BRCA2: variants seen among roughly 807,000 people sequenced by gnomAD.
BRCA2 encodes BRCA2 DNA repair associated.
A neutral mutation model predicts 276.7 loss-of-function variants in BRCA2; 203 were observed. The observed-to-expected ratio is 0.73, with a 90% confidence interval of 0.65 to 0.82. BRCA2 has a LOEUF of 0.82. BRCA2 is among the 40% of genes least tolerant of loss of function. The pLI, the probability that BRCA2 is intolerant of heterozygous loss-of-function variation, is 0.00. For synonymous variants in BRCA2, 1,289 were observed against 1,338.4 expected, an observed-to-expected ratio of 0.96 and a Z score of 0.81; for missense variants, 3,920 against 3,915.0, an observed-to-expected ratio of 1.00 and a Z score of -0.03.
At chr13:32,327,965 T>C (rs2072362344) in intron 7 of BRCA2, among the ~76,000 whole-genome samples, 2 of 151,964 alleles carry the variant, frequency 1.3e-5, no homozygotes, top group South Asian at 4.2e-4. Context: ...TTTGTATTTT[T>C]TGTAGAGATG....
At position 32,339,067 on chromosome 13, in the gene BRCA2, A is replaced by G. The variant is rs766833528; in HGVS notation, c.4712A>G (p.Glu1571Gly). 1 of 1,614,032 alleles carries G rather than the reference A, an allele frequency of 6.2e-7. No homozygotes were observed. Among genetic ancestry groups the G allele is most frequent in the South Asian group, 1.1e-5 (1 of 91,078 alleles). The stretch of plus-strand genomic sequence containing the variant: ...TGGGCAAAGACCCTAAAGTACAGAG[A>G]GGCCTGTAAAGACCTTGAATTAGCA... ...HQWAKTLKYREACKDLELACE... is the reference protein window; with the variant it reads ...HQWAKTLKYRGACKDLELACE... The change falls in exon 11 of 27, where the codon GAG becomes GGG. Residue 1571 changes from glutamate to glycine, a missense_variant. Glu to Gly is a moderately conservative substitution (Grantham distance 98). Transcript: ENST00000380152.
At position 32,338,557 on chromosome 13, in the gene BRCA2, G is replaced by GTAA; in HGVS notation, c.4205_4207dup (p.Asn1402dup). On this transcript the variant is annotated inframe_insertion, in exon 11 of 27. Transcript: ENST00000380152. Reference sequence around the variant, plus strand: ...GCGAAAGCTCAAGAAGCATGTCATGGTAATACTTCAAATAAAGAACAGTTA... The same window carrying GTAA: ...GCGAAAGCTCAAGAAGCATGTCATGGTAATAATACTTCAAATAAAGAACAGTTA... The GTAA allele has an allele frequency of 6.3e-7, 1 of 1,598,476 alleles. No homozygotes were observed. Among genetic ancestry groups the GTAA allele is most frequent in the Non-Finnish European group, 8.5e-7 (1 of 1,173,362 alleles).
intron 20 of BRCA2, among the ~76,000 whole-genome samples, chr13:32,373,840 C>T (rs904225168): frequency 1.3e-5 from 2 of 152,256 alleles, no homozygotes; most frequent in African/African-American, 4.8e-5. Flanking sequence ...ATTTCCCTCA[C>T]AGTTTCCCTC....
chr13:32,385,711 G>C, intron 24 of BRCA2: 1 of 191,340 alleles, frequency 5.2e-6, no homozygotes, highest in Non-Finnish European at 1.1e-5. Flanking sequence ...TATAGAACTG[G>C]CAGGAAAGTA....
intron 24 of BRCA2, among the ~76,000 whole-genome samples, chr13:32,386,717 C>CA (rs2072963368): frequency 6.6e-6 from 1 of 152,132 alleles, no homozygotes; most frequent in South Asian, 2.1e-4. Flanking sequence ...TTTCTCCCCC[C>CA]CTTAGTTACA....
intron 12 of BRCA2, among the ~76,000 whole-genome samples, chr13:32,345,550 A>C (rs1366525426): frequency 6.6e-6 from 1 of 152,038 alleles, no homozygotes; most frequent in Non-Finnish European, 1.5e-5. Flanking sequence ...GGAAAATGTA[A>C]GAATTGTTTG....
chr13:32,362,497 A>G (rs748904218), intron 16 of BRCA2, 26 bp from the exon 17 acceptor site: 45 of 1,603,512 alleles, frequency 2.8e-5, no homozygotes, highest in African/African-American at 5.4e-5. Context: ...GGTTTTTATG[A>G]TAATATTCTA....
chr13:32,376,831 A>T (rs2072877368), intron 21 of BRCA2, 40 bp downstream of exon 21: 17 of 1,610,492 alleles, frequency 1.1e-5, no homozygotes, highest in Admixed American at 1.7e-5. Flanking sequence ...CTTGATGATT[A>T]TTCAAGGTGA....
Position 32,340,505 on chromosome 13 carries a change from A to C in BRCA2, c.6150A>C (p.Val2050=), listed in dbSNP as rs1464470039. 6.2e-7 allele frequency: 1 copy of C among 1,613,736 alleles called. No homozygotes were observed. The highest frequency in any genetic ancestry group is 1.3e-5 in the African/African-American group (1 of 75,052). ...ISQKGFSYNV[V]NSSAFSGFST... ...AAAAAGGCTTTTCATATAATGTGGT[A>C]AATTCATCTGCTTTCTCTGGATTTA... Residue 2050 remains valine, a synonymous_variant, in exon 11 of 27, where the codon GTA becomes GTC. Transcript: ENST00000380152.
chr13:32,353,908 T>C (rs180956468), intron 13 of BRCA2, among the ~76,000 whole-genome samples: 182 of 152,248 alleles, frequency 1.2e-3, no homozygotes, highest in African/African-American at 4.1e-3. Context: ...CTATATGTAG[T>C]GTAAAATGTA....
intron 13 of BRCA2, 110 bp from the exon 14 acceptor site, chr13:32,354,751 T>TA (rs1803003588): frequency 1.5e-5 from 12 of 802,820 alleles, no homozygotes; most frequent in Non-Finnish European, 2.5e-5. Flanking sequence ...ACAAAACAGT[T>TA]ACCAGAATAG....
At chr13:32,357,300 C>T (rs1413690983) in intron 15 of BRCA2, among the ~76,000 whole-genome samples, 2 of 152,184 alleles carry the variant, frequency 1.3e-5, no homozygotes, top group African/African-American at 4.8e-5. Flanking sequence ...AACAAAAAGA[C>T]ACTTTGGGTT....
chr13:32,350,219 G>A (rs1428184015), intron 13 of BRCA2, among the ~76,000 whole-genome samples: 2 of 151,730 alleles, frequency 1.3e-5, no homozygotes, highest in African/African-American at 4.8e-5. Context: ...ATCAGAAAAA[G>A]CAAAAATAAA....
intron 26 of BRCA2, among the ~76,000 whole-genome samples, chr13:32,397,446 G>T (rs1364626576): frequency 6.6e-6 from 1 of 152,036 alleles, no homozygotes; most frequent in Non-Finnish European, 1.5e-5. Context: ...ACTTGCTAAG[G>T]GTATCTATAT....
intron 21 of BRCA2, 93 bp downstream of exon 21, chr13:32,376,884 T>C (rs2072877635): frequency 1.3e-6 from 2 of 1,527,368 alleles, no homozygotes; most frequent in Admixed American, 3.8e-5. Flanking sequence ...AAGGAGTATG[T>C]TGAAATGCTG....
intron 13 of BRCA2, among the ~76,000 whole-genome samples, chr13:32,349,019 C>T (rs771645113): frequency 4.0e-5 from 6 of 151,848 alleles, no homozygotes; most frequent in South Asian, 2.1e-4. Context: ...GCCAGGAGTT[C>T]GAGACTAGCC....
chr13:32,339,412 T>C lies in BRCA2; in HGVS notation c.5057T>C (p.Leu1686Ser). 6.3e-7 allele frequency: 1 copy of C among 1,594,854 alleles called. No individual in the cohort carries two copies. Among genetic ancestry groups the C allele is most frequent in the East Asian group, 2.2e-5 (1 of 44,634 alleles). Residue 1686 changes from leucine to serine, a missense_variant, in exon 11 of 27, where the codon TTA becomes TCA. Around this residue, in one of 2 missense-constraint regions of BRCA2, gnomAD observed 3,263 missense variants for 3,156.9 expected, o/e 1.03. Transcript: ENST00000380152. ...AAAACTTCTGTGAGTCAGACTTCAT[T>C]ACTTGAAGCAAAAAAATGGCTTAGA... is the stretch of plus-strand genomic sequence containing the variant. ...SRKTSVSQTS[L>S]LEAKKWLREG...
intron 2 of BRCA2, among the ~76,000 whole-genome samples, chr13:32,317,327 T>A (rs1228227162): frequency 1.3e-5 from 2 of 152,358 alleles, no homozygotes; most frequent in Non-Finnish European, 2.9e-5. Flanking sequence ...GTGAGTGGAA[T>A]AGTTTTTACA....
rs1060504598 is a variant in BRCA2 at position 32,339,965 on chromosome 13, C to T, written c.5610C>T (p.Phe1870=). The T allele has an allele frequency of 6.2e-7, 1 of 1,610,396 alleles. No individual in the cohort carries two copies. The highest frequency in any genetic ancestry group is 8.5e-7 in the Non-Finnish European group (1 of 1,178,694). Residue 1870 remains phenylalanine (F), a synonymous_variant, in exon 11 of 27, where the codon TTC becomes TTT. Coordinates refer to ENST00000380152, the MANE Select transcript of BRCA2 (RefSeq NM_000059.4). ...TGAAAGACATATTTACAGACAGTTT[C>T]AGTAAAGTAATTAAGGAAAACAACG... ...KKVKDIFTDS[F]SKVIKENNEN... is the part of the protein sequence containing the mutation.
Sources: allele counts gnomAD v4.1 joint callset (sites outside exome capture counted in the v4.1 genomes callset), GRCh38; gene constraint gnomAD v4.1.1; regional missense constraint gnomAD v4.1.1; transcripts MANE v1.5; gene names NCBI Gene and HGNC (gene_info 2026-07-23, HGNC 2026-07-21).